MROH2A: variants seen among roughly 807,000 people sequenced by gnomAD.
MROH2A encodes the protein maestro heat-like repeat-containing protein family member 2A.
In MROH2A, 174 loss-of-function variants were observed where a neutral mutation model predicts 200.4. The ratio of observed to expected loss-of-function variants is 0.87; its 90% CI spans 0.77 to 0.98. MROH2A has a LOEUF of 0.98. MROH2A is among the 50% of genes least tolerant of loss of function. The pLI is 0.00. For synonymous variants in MROH2A, 829 were observed against 840.4 expected (o/e 0.99, Z 0.23); for missense variants, 2,045 against 2,139.6 (o/e 0.96, Z 0.87).
At chr2:233,792,391 C>A (rs1290672217) in intron 5 of MROH2A, among the ~76,000 whole-genome samples, 1 of 151,460 alleles carries the variant, frequency 6.6e-6, no homozygotes, top group Non-Finnish European at 1.5e-5. Flanking sequence ...CGGCTCACTG[C>A]AAGCTCCGCC....
At chr2:233,817,459 C>G (rs539993660) in intron 27 of MROH2A, among the ~76,000 whole-genome samples, 8 of 152,202 alleles carry the variant, frequency 5.3e-5, no homozygotes, top group African/African-American at 1.9e-4. Flanking sequence ...GACCCTGGTC[C>G]TGGGCACCTG....
chr2:233,812,641 C>A (rs7577137), intron 24 of MROH2A, among the ~76,000 whole-genome samples: 52,361 of 151,932 alleles, frequency 0.34, 9,957 homozygotes, highest in Middle Eastern at 0.49. Flanking sequence ...AGACCTAGTC[C>A]CAGCCTTTTA....
chr2:233,812,912 A>G (rs1408405889), intron 24 of MROH2A, among the ~76,000 whole-genome samples: 1 of 152,182 alleles, frequency 6.6e-6, no homozygotes, highest in Non-Finnish European at 1.5e-5. Flanking sequence ...GTAATACAAG[A>G]CACTTTGGGG....
chr2:233,794,571 T>C (rs1701985058), intron 8 of MROH2A, 65 bp downstream of exon 8: 2 of 851,288 alleles, frequency 2.3e-6, no homozygotes, highest in African/African-American at 1.7e-5. Context: ...CCCAAGTGTT[T>C]AAAGGGGATG....
chr2:233,810,792 A>G lies in MROH2A; in HGVS notation c.2449-2A>G, dbSNP rs1703101776. On this transcript the variant is annotated splice_acceptor_variant, in intron 22 of 41. Transcript: ENST00000389758. LOFTEE classifies it high-confidence loss of function. The stretch of plus-strand genomic sequence containing the variant: ...TCCCTCCTTTTCCCCTTCTGGGCTC[A>G]GGACATCTGTCTCAAAATGGCCTTC... The G allele has an allele frequency of 6.5e-7, 1 of 1,550,166 alleles. No individual in the cohort carries two copies. The highest frequency in any genetic ancestry group is 1.2e-5 in the South Asian group (1 of 84,044).
chr2:233,815,463 C>G (rs1306814121), intron 26 of MROH2A, among the ~76,000 whole-genome samples: 1 of 152,126 alleles, frequency 6.6e-6, no homozygotes, highest in Non-Finnish European at 1.5e-5. Flanking sequence ...GGTGTCAAAT[C>G]TAAGAAACCG....
At position 233,789,629 on chromosome 2, in the gene MROH2A, G is replaced by A. The variant is rs905537638; in HGVS notation, c.408+1G>A. 5.5e-6 allele frequency: 8 copies of A among 1,458,078 alleles called. No individual in the cohort carries two copies. The African/African-American group carries it at 1.1e-4, about 21-fold the overall frequency. 90.3% of individuals were successfully genotyped at this position (1,458,078 alleles called of 1,614,324 possible). A position where few individuals can be genotyped will look rare whatever the true frequency, so the allele number is the denominator to read the frequency against. On this transcript the variant is annotated splice_donor_variant, in intron 4 of 41. Transcript: ENST00000389758. LOFTEE classifies it high-confidence loss of function. ...CAAGGAGATGAGGGAGATCCCAGAG[G>A]TAGGACCCCAAGCTCCATCGGTGCC... is the stretch of plus-strand genomic sequence containing the variant.
In MROH2A at chr2:233,819,886, C is replaced by A; in HGVS notation, c.3358-16C>A. Reference sequence around the variant, plus strand: ...GGGCCTGGGCTGCCCCCCGGTGATGCCCCATCCCTACCTAGGTGGCCGAGA... The same window carrying A: ...GGGCCTGGGCTGCCCCCCGGTGATGACCCATCCCTACCTAGGTGGCCGAGA... On this transcript the variant is annotated splice_polypyrimidine_tract_variant and intron_variant, in intron 30 of 41. Transcript: ENST00000389758. 6.7e-7 allele frequency: 1 copy of A among 1,494,470 alleles called. No individual in the cohort carries two copies. The highest frequency in any genetic ancestry group is 2.5e-5 in the East Asian group (1 of 39,922). 92.6% of individuals were successfully genotyped at this position (1,494,470 alleles called of 1,614,324 possible).
chr2:233,775,870 G>A (rs1223320755), upstream of MROH2A: 1 of 152,204 alleles, frequency 6.6e-6, no homozygotes, highest in East Asian at 1.9e-4. Context: ...GAATTATGGG[G>A]GCAGTTATCT....
rs377275308 is a variant in MROH2A at position 233,814,178 on chromosome 2, A to T, written c.2760+400A>T. On this transcript the variant is annotated intron_variant, in intron 25 of 41. Coordinates refer to ENST00000389758, the MANE Select transcript of MROH2A (RefSeq NM_001394639.1). ...AGAGAAAGTCTAGGGAAGACTTGAGAGTCATTTTGCCCTCCTTCTATTGGC... is the reference window on the plus strand; with the variant it reads ...AGAGAAAGTCTAGGGAAGACTTGAGTGTCATTTTGCCCTCCTTCTATTGGC... Among the ~76,000 whole-genome samples, 7 of 152,314 alleles carry T rather than the reference A, an allele frequency of 4.6e-5. No homozygotes were observed. The East Asian group carries it at 5.8e-4, about 13-fold the overall frequency.
chr2:233,818,667 C>A lies in MROH2A; in HGVS notation c.3101C>A (p.Ser1034Tyr). The A allele has an allele frequency of 6.5e-7, 1 of 1,548,894 alleles. No homozygotes were observed. Among genetic ancestry groups the A allele is most frequent in the East Asian group, 2.4e-5 (1 of 40,854 alleles). Residue 1034 changes from serine to tyrosine, a missense_variant, in exon 29 of 42, where the codon TCC (serine) becomes TAC (tyrosine). Ser to Tyr is a moderately radical substitution (Grantham distance 144). This residue lies in a region of MROH2A where 1,201 missense variants were observed against 1,311.3 expected (regional missense o/e 0.92). Coordinates refer to ENST00000389758, the MANE Select transcript of MROH2A (RefSeq NM_001394639.1). The stretch of plus-strand genomic sequence containing the variant: ...TTCCCGACAGCAAGCCAGACCTGCT[C>A]CTTGTGGGGCCCTTCCAAGCAGAAG... Reference protein sequence around the residue: ...LLDLHASQTCSLWGPSKQKEL... With the variant: ...LLDLHASQTCYLWGPSKQKEL...
At position 233,792,898 on chromosome 2, in the gene MROH2A, A is replaced by T. The variant is rs1438317790; in HGVS notation, c.670+4A>T. On this transcript the variant is annotated splice_donor_region_variant and intron_variant, in intron 6 of 41. Coordinates refer to ENST00000389758, the MANE Select transcript of MROH2A (RefSeq NM_001394639.1). ...ATACGCCAGGCGATCTGCAGTGGTG[A>T]GTGTCCCACTTGAGCCTGCAGGTCT... 6.4e-7 allele frequency: 1 copy of T among 1,550,414 alleles called. No individual in the cohort carries two copies. Among genetic ancestry groups the T allele is most frequent in the Admixed American group, 2.0e-5 (1 of 51,008 alleles).
At chr2:233,812,770 AAAAAG>A (rs1488354581) in intron 24 of MROH2A, among the ~76,000 whole-genome samples, 1 of 152,244 alleles carries the variant, frequency 6.6e-6, no homozygotes. Context: ...GAGAACAAAA[AAAAAG>A]GGGCTACTAA....
chr2:233,816,686 T>A, intron 26 of MROH2A, 95 bp from the exon 27 acceptor site: 1 of 700,346 alleles, frequency 1.4e-6, no homozygotes, highest in Middle Eastern at 3.6e-4. Flanking sequence ...TGAAAGTCGA[T>A]CTGAGTAGGA....
rs1701943959 is a variant in MROH2A at position 233,793,875 on chromosome 2, C to T, written c.822+51C>T. ...CCTGGTGGTCCCCAGGCCACAGCTC[C>T]CCAGCCTGTGGGGCCGGGAGGTGCT... On this transcript the variant is annotated intron_variant, in intron 7 of 41. Coordinates refer to ENST00000389758, the MANE Select transcript of MROH2A (RefSeq NM_001394639.1). The T allele has an allele frequency of 9.0e-6, 12 of 1,339,586 alleles. 1 individual carries two copies. The highest frequency in any genetic ancestry group is 2.0e-4 in the Middle Eastern group (1 of 5,016). 83.0% of individuals were successfully genotyped at this position (1,339,586 alleles called of 1,614,324 possible).
intron 4 of MROH2A, 91 bp downstream of exon 4, chr2:233,789,719 C>A (rs1701603165): frequency 6.9e-7 from 1 of 1,450,442 alleles, no homozygotes; most frequent in Non-Finnish European, 9.1e-7. Flanking sequence ...CAGCCCTGTG[C>A]AGTTACCTCT....
At position 233,818,653 on chromosome 2, in the gene MROH2A, A is replaced by G. The variant is rs1001792871; in HGVS notation, c.3087A>G (p.Ala1029=). ...NVLSSLLDLH[A]SQTCSLWGPS... is the part of the protein sequence containing the mutation. ...TTTCTGAAGTTGTATTCCCGACAGC[A>G]AGCCAGACCTGCTCCTTGTGGGGCC... is the stretch of plus-strand genomic sequence containing the variant. Residue 1029 remains alanine, a splice_region_variant and synonymous_variant, in exon 29 of 42, where the codon GCA becomes GCG. Transcript: ENST00000389758. 25 of 1,543,322 alleles carry G rather than the reference A, an allele frequency of 1.6e-5. No homozygotes were observed. The Middle Eastern group carries it at 1.0e-3, about 62-fold the overall frequency.
intron 37 of MROH2A, 46 bp downstream of exon 37, chr2:233,829,118 G>T (rs1319218220): frequency 2.1e-6 from 3 of 1,453,204 alleles, no homozygotes; most frequent in Middle Eastern, 1.9e-4. Context: ...TGAAGGAGGG[G>T]CACTTCTCAG....
intron 35 of MROH2A, among the ~76,000 whole-genome samples, chr2:233,824,418 T>G (rs7557532): frequency 0.085 from 13,021 of 152,304 alleles, 598 homozygotes; most frequent in African/African-American, 0.12. Context: ...TTATAGGTTC[T>G]TCAGGCCCCT....
Sources: allele counts gnomAD v4.1 joint callset (sites outside exome capture counted in the v4.1 genomes callset), GRCh38; gene constraint gnomAD v4.1.1; regional missense constraint gnomAD v4.1.1; transcripts MANE v1.5; gene names NCBI Gene and HGNC (gene_info 2026-07-23, HGNC 2026-07-21).